FAM13A: variants seen among roughly 807,000 people sequenced by gnomAD.
The protein encoded by FAM13A is family with sequence similarity 13 member A, also known as protein FAM13A.
FAM13A carries 76 observed loss-of-function variants against 129.6 expected under a neutral mutation model. The observed-to-expected ratio is 0.59, with a 90% CI of 0.49 to 0.71. FAM13A has a LOEUF of 0.71. FAM13A is among the 30% of genes least tolerant of loss of function. The pLI, the probability that FAM13A is intolerant of heterozygous loss-of-function variation, is 0.00. For synonymous variants in FAM13A, 443 were observed against 449.9 expected (o/e 0.98, Z 0.20); for missense variants, 1,108 against 1,249.3 (o/e 0.89, Z 1.70).
chr4:88,937,176 T>C (rs1216297698), intron 5 of FAM13A: 1 of 152,244 alleles, frequency 6.6e-6, no homozygotes, highest in Non-Finnish European at 1.5e-5. Flanking sequence ...TGTAGGATGC[T>C]ACTTGATACT....
intron 6 of FAM13A, among the ~76,000 whole-genome samples, chr4:88,860,010 C>T (rs1467508156): frequency 6.6e-6 from 1 of 152,084 alleles, no homozygotes; most frequent in Non-Finnish European, 1.5e-5. Flanking sequence ...GCTTCTTTCC[C>T]CCTCCCTTGC....
chr4:89,041,792 C>T (rs1442454014), intron 1 of FAM13A, among the ~76,000 whole-genome samples: 1 of 151,872 alleles, frequency 6.6e-6, no homozygotes, highest in Non-Finnish European at 1.5e-5. Context: ...GTGGTGGTGG[C>T]ACCTGTAATC....
chr4:88,814,717 T>G (rs1730356755), intron 7 of FAM13A, among the ~76,000 whole-genome samples: 1 of 152,204 alleles, frequency 6.6e-6, no homozygotes. Context: ...AATACTGGTA[T>G]CTATTATGTT....
intron 3 of FAM13A, among the ~76,000 whole-genome samples, chr4:89,003,242 CT>C (rs58496119): frequency 6.7e-5 from 10 of 148,946 alleles, no homozygotes; most frequent in Admixed American, 1.3e-4. Context: ...GGATAAATTA[CT>C]TTTTTTTTAA....
chr4:88,918,718 T>C (rs1001254179), intron 5 of FAM13A, among the ~76,000 whole-genome samples: 1 of 152,208 alleles, frequency 6.6e-6, no homozygotes. Context: ...CTTTAATCAT[T>C]ATCAGGTCTT....
intron 3 of FAM13A, among the ~76,000 whole-genome samples, chr4:89,014,889 T>C (rs571518028): frequency 6.6e-6 from 1 of 152,316 alleles, no homozygotes; most frequent in East Asian, 1.9e-4. Flanking sequence ...ACAAGGGAGA[T>C]AACCATTAAG....
intron 19 of FAM13A, among the ~76,000 whole-genome samples, chr4:88,745,504 T>C (rs529834090): frequency 6.6e-6 from 1 of 152,304 alleles, no homozygotes; most frequent in South Asian, 2.1e-4. Flanking sequence ...TCTATCAATG[T>C]CATAACCCAA....
chr4:89,015,131 C>T (rs190313461), intron 3 of FAM13A, among the ~76,000 whole-genome samples: 11 of 152,190 alleles, frequency 7.2e-5, no homozygotes, highest in Admixed American at 3.9e-4. Flanking sequence ...CCTATTAGGA[C>T]GAGGAAATTT....
At chr4:88,926,751 G>A (rs1332199889) in intron 5 of FAM13A, among the ~76,000 whole-genome samples, 1 of 152,094 alleles carries the variant, frequency 6.6e-6, no homozygotes, top group East Asian at 1.9e-4. Context: ...AAACTATGAA[G>A]TAACTTTTAA....
intron 7 of FAM13A, among the ~76,000 whole-genome samples, chr4:88,824,090 T>C (rs1732574063): frequency 6.6e-6 from 1 of 152,230 alleles, no homozygotes; most frequent in South Asian, 2.1e-4. Flanking sequence ...TTATAATTTC[T>C]TCTTTGGTGT....
chr4:88,765,561 T>C (rs1745581733), intron 13 of FAM13A, among the ~76,000 whole-genome samples: 1 of 152,194 alleles, frequency 6.6e-6, no homozygotes, highest in South Asian at 2.1e-4. Context: ...AAGGACTACA[T>C]ATATTAAAAA....
rs1477901690 is a variant in FAM13A at position 88,870,428 on chromosome 4, C to T, written c.844-19245G>A. ...ACCTGGAAAATTGGGTCACTCCTGC[C>T]CTAATACTGCAATTTTCCAACAGTC... On this transcript the variant is annotated intron_variant, in intron 6 of 23. Transcript: ENST00000264344. Among the ~76,000 whole-genome samples, 4 of 152,204 alleles carry T rather than the reference C, an allele frequency of 2.6e-5. No homozygotes were observed. The South Asian group carries it at 8.3e-4, about 31-fold the overall frequency.
intron 8 of FAM13A, 38 bp from the exon 9 acceptor site, chr4:88,790,665 A>G (rs779578475): frequency 1.3e-6 from 2 of 1,589,594 alleles, no homozygotes; most frequent in Non-Finnish European, 1.7e-6. Context: ...AGGTTAGATG[A>G]AAGATCAGAG....
chr4:88,950,444 TATTA>T (rs1756767472), intron 4 of FAM13A, among the ~76,000 whole-genome samples: 1 of 152,220 alleles, frequency 6.6e-6, no homozygotes, highest in Non-Finnish European at 1.5e-5. Context: ...ATCAGATCAC[TATTA>T]ATTGATATAT....
chr4:88,771,208 T>A (rs1720613243), intron 11 of FAM13A, among the ~76,000 whole-genome samples: 1 of 151,390 alleles, frequency 6.6e-6, no homozygotes, highest in African/African-American at 2.4e-5. Context: ...ATGAGTACAG[T>A]AACAAAACTA....
Position 88,851,094 on chromosome 4 carries a change from C to T in FAM13A, c.933G>A (p.Arg311=), listed in dbSNP as rs116576966. The change falls in exon 7 of 24, where the codon CGG becomes CGA. Residue 311 remains arginine, a synonymous_variant. Transcript: ENST00000264344. ...CCAAGCAGGCTTTTCTATAACTTAG[C>T]CGCAAGCTGAGCTGAGGAATGCCAT... ...LSDGIPQLSL[R]LSYRKACLED... 2.2e-4 allele frequency: 362 copies of T among 1,613,994 alleles called. No homozygotes were observed. The African/African-American group carries it at 4.2e-3, about 19-fold the overall frequency.
chr4:88,854,692 T>C (rs1738198308), intron 6 of FAM13A, among the ~76,000 whole-genome samples: 1 of 152,228 alleles, frequency 6.6e-6, no homozygotes, highest in Non-Finnish European at 1.5e-5. Flanking sequence ...GTGTGATTTA[T>C]GTGTACAACT....
chr4:89,024,141 A>G (rs1767629480), intron 2 of FAM13A, among the ~76,000 whole-genome samples: 1 of 152,244 alleles, frequency 6.6e-6, no homozygotes, highest in African/African-American at 2.4e-5. Flanking sequence ...TCAAAATAGT[A>G]TGAATATTAA....
chr4:88,918,942 G>C (rs762536664), intron 5 of FAM13A, among the ~76,000 whole-genome samples: 4 of 152,154 alleles, frequency 2.6e-5, no homozygotes, highest in Admixed American at 1.3e-4. Context: ...AAACTTTGAT[G>C]GTAGCTGGTC....
Sources: allele counts gnomAD v4.1 joint callset (sites outside exome capture counted in the v4.1 genomes callset), GRCh38; gene constraint gnomAD v4.1.1; transcripts MANE v1.5; gene names NCBI Gene and HGNC (gene_info 2026-07-23, HGNC 2026-07-21).